Variants in ARHGAP44 observed in about 807,000 individuals in gnomAD.
The protein encoded by ARHGAP44 is Rho GTPase activating protein 44.
Under a neutral mutation model 106.8 loss-of-function variants are expected in ARHGAP44, and 43 were observed. The observed-to-expected ratio is 0.40, with a 90% CI of 0.32 to 0.52. The LOEUF (loss-of-function observed/expected upper bound fraction) is 0.52, where lower values mean the gene tolerates loss of function less well. Among genes scored for constraint, ARHGAP44 ranks in the 20% least tolerant of loss-of-function variants. The pLI is 0.48. For synonymous variants in ARHGAP44, 439 were observed against 410.3 expected (o/e 1.07, Z -0.85); for missense variants, 866 against 1,050.5 (o/e 0.82, Z 2.43).
chr17:12,831,214 T>C (rs956531988), intron 1 of ARHGAP44, among the ~76,000 whole-genome samples: 3 of 152,166 alleles, frequency 2.0e-5, no homozygotes, highest in African/African-American at 7.2e-5. Context: ...CAAGAAAACA[T>C]CTTAAGCCTG....
chr17:12,898,576 A>G lies in ARHGAP44; in HGVS notation c.198+2065A>G, dbSNP rs890669815. ...ATTCAGCAGCTTTGGGTCAGCAGCT[A>G]TGTGACGCTTGGGCCTCCACTTACA... is the stretch of plus-strand genomic sequence containing the variant. On this transcript the variant is annotated intron_variant, in intron 3 of 20. Coordinates refer to ENST00000379672, the MANE Select transcript of ARHGAP44 (RefSeq NM_014859.6). 3.3e-5 allele frequency among the ~76,000 whole-genome samples: 5 copies of G among 152,348 alleles called. No homozygotes were observed. The East Asian group carries it at 7.7e-4, about 23-fold the overall frequency.
chr17:12,986,839 T>C (rs2039972632), intron 20 of ARHGAP44: 4 of 404,966 alleles, frequency 9.9e-6, no homozygotes, highest in Non-Finnish European at 1.8e-5. Context: ...TCATGTTCCA[T>C]CTTGCAGGTT....
intron 18 of ARHGAP44, among the ~76,000 whole-genome samples, chr17:12,975,013 C>T (rs138770136): frequency 6.6e-6 from 1 of 151,982 alleles, no homozygotes; most frequent in Non-Finnish European, 1.5e-5. Flanking sequence ...CCATGCTTGG[C>T]TAATTTTTGT....
At chr17:12,883,627 G>A (rs1213539791) in intron 1 of ARHGAP44, among the ~76,000 whole-genome samples, 2 of 151,944 alleles carry the variant, frequency 1.3e-5, no homozygotes, top group African/African-American at 2.4e-5. Context: ...ATTTAGAAGT[G>A]TTTACAAGAT....
In ARHGAP44 at chr17:12,949,213, A is replaced by T; in HGVS notation, c.935A>T (p.Asp312Val). The part of the protein sequence containing the change: ...LKAALDCCVV[D>V]VQEYSADPHA... The stretch of plus-strand genomic sequence containing the variant: ...GCGGCCCTGGACTGCTGCGTGGTGG[A>T]TGTGCAGGAGTACTCGGCAGACCCC... Residue 312 changes from aspartate (D) to valine (V), a missense_variant, in exon 11 of 21, where the codon GAT (aspartate) becomes GTT (valine). This residue lies in a region of ARHGAP44 where 448 missense variants were observed against 646.9 expected (regional missense o/e 0.69). Coordinates refer to ENST00000379672, the MANE Select transcript of ARHGAP44 (RefSeq NM_014859.6). The surrounding 1 kb of genome is among the most constrained non-coding windows in gnomAD (Gnocchi z 4.1). 6.3e-7 allele frequency: 1 copy of T among 1,578,906 alleles called. No individual in the cohort carries two copies. The highest frequency in any genetic ancestry group is 8.6e-7 in the Non-Finnish European group (1 of 1,162,544).
intron 10 of ARHGAP44, among the ~76,000 whole-genome samples, chr17:12,948,182 C>T (rs1445858504): frequency 6.6e-6 from 1 of 152,222 alleles, no homozygotes; most frequent in African/African-American, 2.4e-5. Flanking sequence ...TCTTCTCTTC[C>T]ACACAGCCCT....
chr17:12,799,005 T>A lies in ARHGAP44; in HGVS notation c.53+9114T>A, dbSNP rs533169790. 6.6e-5 allele frequency among the ~76,000 whole-genome samples: 10 copies of A among 152,324 alleles called. No homozygotes were observed. In the East Asian group the frequency reaches 1.9e-3, roughly 29 times the overall value. On this transcript the variant is annotated intron_variant, in intron 1 of 20. Coordinates refer to ENST00000379672, the MANE Select transcript of ARHGAP44 (RefSeq NM_014859.6). ...AAAGTTTTTGAGTATATCATTGTAT[T>A]TCTATTGTCATTCCTAATTTACAAT...
At position 12,802,949 on chromosome 17, in the gene ARHGAP44, A is replaced by T. The variant is rs187204445; in HGVS notation, c.53+13058A>T. On this transcript the variant is annotated intron_variant, in intron 1 of 20. Coordinates refer to ENST00000379672, the MANE Select transcript of ARHGAP44 (RefSeq NM_014859.6). ...AATTTATATATATATATATATATAT[A>T]TATATATATATATATATATATTTTT... is the stretch of plus-strand genomic sequence containing the variant. 2.9e-4 allele frequency among the ~76,000 whole-genome samples: 5 copies of T among 17,206 alleles called. No homozygotes were observed. In the African/African-American group the frequency reaches 2.9e-3, roughly 10 times the overall value. The allele number at this position is 17,206 out of a possible 152,430, so 11.3% of individuals were successfully genotyped here.
intron 16 of ARHGAP44, among the ~76,000 whole-genome samples, chr17:12,968,723 AT>A (rs756127939): frequency 6.7e-6 from 1 of 149,170 alleles, no homozygotes; most frequent in Admixed American, 6.6e-5. Context: ...TCCAGTCCCC[AT>A]TTTTTGTTCC....
At chr17:12,815,846 T>C (rs1024757321) in intron 1 of ARHGAP44, among the ~76,000 whole-genome samples, 5 of 152,130 alleles carry the variant, frequency 3.3e-5, no homozygotes, top group Admixed American at 2.6e-4. Context: ...GAGCAGGCAG[T>C]CTGTAGGAAG....
At chr17:12,901,154 C>T (rs945954025) in intron 3 of ARHGAP44, among the ~76,000 whole-genome samples, 22 of 151,946 alleles carry the variant, frequency 1.4e-4, no homozygotes, top group African/African-American at 4.8e-4. Flanking sequence ...AAACTCCTGA[C>T]CTCAGGTGAT....
At chr17:12,884,169 G>A (rs972456986) in intron 1 of ARHGAP44, among the ~76,000 whole-genome samples, 1 of 151,814 alleles carries the variant, frequency 6.6e-6, no homozygotes, top group African/African-American at 2.4e-5. Flanking sequence ...TTTATTATTA[G>A]CACAGAGCTA....
At chr17:12,886,979 T>G (rs1031591021) in intron 1 of ARHGAP44, among the ~76,000 whole-genome samples, 1 of 151,168 alleles carries the variant, frequency 6.6e-6, no homozygotes, top group Non-Finnish European at 1.5e-5. Context: ...TTTTTTGTTT[T>G]TTTTTTTTAC....
intron 10 of ARHGAP44, among the ~76,000 whole-genome samples, chr17:12,946,057 C>A (rs1464145054): frequency 6.6e-6 from 1 of 152,146 alleles, no homozygotes; most frequent in Admixed American, 6.5e-5. Flanking sequence ...CCGCACTGGG[C>A]CTCAATTTAA....
intron 1 of ARHGAP44, among the ~76,000 whole-genome samples, chr17:12,861,948 A>G (rs1007332758): frequency 1.3e-4 from 20 of 152,026 alleles, no homozygotes; most frequent in Admixed American, 1.1e-3. Flanking sequence ...CTCTTCCACT[A>G]TTAAGGACCC....
At chr17:12,961,577 A>G (rs1211955121) in intron 16 of ARHGAP44, among the ~76,000 whole-genome samples, 1 of 152,166 alleles carries the variant, frequency 6.6e-6, no homozygotes, top group Admixed American at 6.6e-5. Context: ...TCTACTAAAA[A>G]TACAAAATTA....
chr17:12,807,598 A>G (rs542444303), intron 1 of ARHGAP44, among the ~76,000 whole-genome samples: 2 of 152,210 alleles, frequency 1.3e-5, no homozygotes, highest in South Asian at 4.1e-4. Flanking sequence ...CTTAGTCACT[A>G]TCACAAGCAC....
At chr17:12,932,150 A>G (rs1316044359) in intron 7 of ARHGAP44, among the ~76,000 whole-genome samples, 1 of 152,196 alleles carries the variant, frequency 6.6e-6, no homozygotes, top group East Asian at 1.9e-4. Flanking sequence ...AGCAATATAT[A>G]AAATTGCACA....
At chr17:12,959,598 C>CA (rs1218258247) in intron 16 of ARHGAP44, among the ~76,000 whole-genome samples, 1 of 152,184 alleles carries the variant, frequency 6.6e-6, no homozygotes, top group East Asian at 1.9e-4. Flanking sequence ...ACAGCTGACT[C>CA]ACGGTGAGCA....
Sources: allele counts gnomAD v4.1 joint callset (sites outside exome capture counted in the v4.1 genomes callset), GRCh38; gene constraint gnomAD v4.1.1; regional missense constraint gnomAD v4.1.1; non-coding constraint Gnocchi (gnomAD v3.1); transcripts MANE v1.5; gene names NCBI Gene and HGNC (gene_info 2026-07-23, HGNC 2026-07-21).